Variants in SLCO3A1 observed in about 807,000 individuals in gnomAD.
The protein encoded by SLCO3A1 is solute carrier organic anion transporter family member 3A1.
In SLCO3A1, 27 loss-of-function variants were observed where a neutral mutation model predicts 63.1. The ratio of observed to expected loss-of-function variants is 0.43; its 90% confidence interval spans 0.32 to 0.59. The LOEUF (loss-of-function observed/expected upper bound fraction) is 0.59. SLCO3A1 is among the 20% of genes least tolerant of loss of function. SLCO3A1 has a pLI of 0.09. For missense variants in SLCO3A1, 773 were observed against 945.8 expected (o/e 0.82, Z 2.40); for synonymous variants, 473 against 409.9 (o/e 1.15, Z -1.86).
At chr15:92,046,542 A>C (rs1426290813) in intron 2 of SLCO3A1, among the ~76,000 whole-genome samples, 1 of 152,046 alleles carries the variant, frequency 6.6e-6, no homozygotes, top group Non-Finnish European at 1.5e-5. Context: ...AAAACAAAAG[A>C]GTATTTTCTT....
rs1255622828 is a variant in SLCO3A1 at position 92,165,591 on chromosome 15, T to G, written c.*2456T>G. On this transcript the variant is annotated 3_prime_UTR_variant, in exon 10 of 10. Coordinates refer to ENST00000318445, the MANE Select transcript of SLCO3A1 (RefSeq NM_013272.4). ...GATGAATGTGAAAAAGATGTTAGAA[T>G]AACAGGAAGACAACTCCAGGGCTGA... 1 of 985,044 alleles carries G rather than the reference T, an allele frequency of 1.0e-6. No individual in the cohort carries two copies. Among genetic ancestry groups the G allele is most frequent in the African/African-American group, 1.7e-5 (1 of 57,226 alleles). 61.0% of individuals were successfully genotyped at this position (985,044 alleles called of 1,614,324 possible).
In SLCO3A1 at chr15:91,916,558, C is replaced by T. The variant is rs1898668378; in HGVS notation, c.646+100C>T. ...TTGATTTTGCCAGAGTACTGGTTCT[C>T]AGACTTGGCTGCACACCTAGTGTTC... is the stretch of plus-strand genomic sequence containing the variant. On this transcript the variant is annotated intron_variant, in intron 2 of 9. Coordinates refer to ENST00000318445, the MANE Select transcript of SLCO3A1 (RefSeq NM_013272.4). This position sits in a 1 kb window ranked among gnomAD's most constrained non-coding sequence, Gnocchi z 6.2. The T allele has an allele frequency of 3.5e-6, 3 of 869,120 alleles. No individual in the cohort carries two copies. Among genetic ancestry groups the T allele is most frequent in the Non-Finnish European group, 5.3e-6 (3 of 568,432 alleles). The allele number at this position is 869,120 out of a possible 1,614,324, so 53.8% of individuals were successfully genotyped here.
At position 92,033,344 on chromosome 15, in the gene SLCO3A1, T is replaced by C. The variant is rs558113832; in HGVS notation, c.647-61537T>C. 6.6e-6 allele frequency among the ~76,000 whole-genome samples: 1 copy of C among 152,300 alleles called. No homozygotes were observed. The highest frequency in any genetic ancestry group is 1.5e-5 in the Non-Finnish European group (1 of 68,024). ...CCCTTTGGAGAGACTTCTGCAACCC[T>C]CCTCTCCTCCAAGAGCAGGGTAACT... On this transcript the variant is annotated intron_variant, in intron 2 of 9. Coordinates refer to ENST00000318445, the MANE Select transcript of SLCO3A1 (RefSeq NM_013272.4). This position sits in a 1 kb window ranked among gnomAD's most constrained non-coding sequence, Gnocchi z 4.5.
intron 2 of SLCO3A1, among the ~76,000 whole-genome samples, chr15:92,068,298 C>T (rs2047175354): frequency 6.6e-6 from 1 of 152,162 alleles, no homozygotes; most frequent in Admixed American, 6.5e-5. Flanking sequence ...TCTCAGATTG[C>T]AAACCACGTG....
chr15:92,053,894 G>A (rs1185008247), intron 2 of SLCO3A1, among the ~76,000 whole-genome samples: 1 of 151,976 alleles, frequency 6.6e-6, no homozygotes, highest in Non-Finnish European at 1.5e-5. Flanking sequence ...CTCTTTGTCT[G>A]CTGTTTGGCA....
At chr15:91,958,906 A>G (rs1900334475) in intron 2 of SLCO3A1, among the ~76,000 whole-genome samples, 2 of 152,188 alleles carry the variant, frequency 1.3e-5, no homozygotes, top group South Asian at 4.1e-4. Flanking sequence ...CCATCCAGCA[A>G]TCCCACTGCT....
At chr15:92,082,975 A>T (rs2047364765) in intron 2 of SLCO3A1, among the ~76,000 whole-genome samples, 1 of 152,240 alleles carries the variant, frequency 6.6e-6, no homozygotes, top group Admixed American at 6.5e-5. Flanking sequence ...AACTCACCTT[A>T]TCAAGGCATA....
intron 4 of SLCO3A1, 53 bp from the exon 5 acceptor site, chr15:92,120,412 G>C: frequency 6.4e-7 from 1 of 1,570,316 alleles, no homozygotes; most frequent in South Asian, 1.1e-5. Flanking sequence ...CTATAAGATG[G>C]GAGCACAGGG....
chr15:92,103,934 A>G (rs1323454185), intron 3 of SLCO3A1, among the ~76,000 whole-genome samples: 1 of 152,210 alleles, frequency 6.6e-6, no homozygotes, highest in African/African-American at 2.4e-5. Context: ...ACCTCTGAAC[A>G]ATAAACATTT....
chr15:91,988,206 C>G (rs930565528), intron 2 of SLCO3A1, among the ~76,000 whole-genome samples: 5 of 152,016 alleles, frequency 3.3e-5, no homozygotes, highest in Admixed American at 2.0e-4. Context: ...AGTTTAAGAC[C>G]AGCCTGGGCA....
intron 1 of SLCO3A1, among the ~76,000 whole-genome samples, chr15:91,873,188 C>G (rs1345070008): frequency 6.6e-6 from 1 of 152,178 alleles, no homozygotes; most frequent in Non-Finnish European, 1.5e-5. Flanking sequence ...AAGTATTCCA[C>G]AGCGCTGAGT....
intron 2 of SLCO3A1, among the ~76,000 whole-genome samples, chr15:91,976,837 A>G (rs1034863488): frequency 9.2e-5 from 14 of 152,184 alleles, no homozygotes; most frequent in African/African-American, 2.9e-4. Flanking sequence ...GGTCACAGAC[A>G]TCAAGTACTT....
intron 4 of SLCO3A1, among the ~76,000 whole-genome samples, chr15:92,115,439 A>C (rs907342476): frequency 2.0e-5 from 3 of 152,172 alleles, no homozygotes; most frequent in African/African-American, 7.2e-5. Flanking sequence ...ACACATGACA[A>C]GGAGCCTGAG....
intron 2 of SLCO3A1, among the ~76,000 whole-genome samples, chr15:92,081,056 C>T (rs1025746514): frequency 6.7e-6 from 1 of 150,008 alleles, no homozygotes; most frequent in Admixed American, 6.7e-5. Flanking sequence ...ATGGGGTATC[C>T]ATCATCACCT....
At chr15:92,057,975 A>G (rs965192432) in intron 2 of SLCO3A1, among the ~76,000 whole-genome samples, 1 of 152,194 alleles carries the variant, frequency 6.6e-6, no homozygotes, top group Admixed American at 6.5e-5. Flanking sequence ...TATTGTAAGT[A>G]TGATACATCC....
chr15:91,974,794 A>T (rs1597177138), intron 2 of SLCO3A1, among the ~76,000 whole-genome samples: 1 of 152,136 alleles, frequency 6.6e-6, no homozygotes, highest in Non-Finnish European at 1.5e-5. Flanking sequence ...GGTAGGGGTG[A>T]CCCTGTCTTC....
intron 2 of SLCO3A1, among the ~76,000 whole-genome samples, chr15:92,088,564 A>C (rs1245200043): frequency 1.3e-5 from 2 of 152,212 alleles, no homozygotes; most frequent in Non-Finnish European, 2.9e-5. Context: ...TCTGGAGGTC[A>C]GACATCCATA....
rs1297697838 is a variant in SLCO3A1, at chr15:91,942,806, G to C, written c.646+26348G>C. On this transcript the variant is annotated intron_variant, in intron 2 of 9. Coordinates refer to ENST00000318445, the MANE Select transcript of SLCO3A1 (RefSeq NM_013272.4). The surrounding 1 kb of genome is among the most constrained non-coding windows in gnomAD (Gnocchi z 4.1). ...CAAATTCCTGACCTAAAGTGATCAG[G>C]TCACTGATCACTCCTCCCAAGGAGC... is the stretch of plus-strand genomic sequence containing the variant. Among the ~76,000 whole-genome samples, 2 of 152,080 alleles carry C rather than the reference G, an allele frequency of 1.3e-5. No individual in the cohort carries two copies. The highest frequency in any genetic ancestry group is 6.5e-5 in the Admixed American group (1 of 15,276).
At chr15:91,911,466 C>A (rs560919665) in intron 1 of SLCO3A1, among the ~76,000 whole-genome samples, 1 of 152,090 alleles carries the variant, frequency 6.6e-6, no homozygotes, top group African/African-American at 2.4e-5. Flanking sequence ...CTCACACTCT[C>A]TGGGGGTAAT....
Sources: gnomAD v4.1 joint callset for allele counts (sites outside exome capture counted in the v4.1 genomes callset) on GRCh38, gnomAD v4.1.1 for gene constraint, Gnocchi (gnomAD v3.1) non-coding constraint, MANE v1.5 for transcripts, NCBI Gene and HGNC (gene_info 2026-07-23, HGNC 2026-07-21) for gene names.